COL4A2: variants seen among roughly 807,000 people sequenced by gnomAD.
COL4A2 encodes collagen type IV alpha 2 chain.
A neutral mutation model predicts 200.2 loss-of-function variants in COL4A2; 99 were observed. The ratio of observed to expected loss-of-function variants is 0.49; its 90% CI spans 0.42 to 0.58. The LOEUF (loss-of-function observed/expected upper bound fraction) is 0.58, where lower values mean the gene tolerates loss of function less well. Among genes scored for constraint, COL4A2 ranks in the 20% least tolerant of loss-of-function variants. COL4A2 has a pLI of 0.00. For missense variants in COL4A2, 1,950 were observed against 2,314.1 expected, an observed-to-expected ratio of 0.84 and a Z score of 3.23; for synonymous variants, 897 against 900.6, an observed-to-expected ratio of 1.00 and a Z score of 0.07.
intron 37 of COL4A2, among the ~76,000 whole-genome samples, chr13:110,491,823 C>T (rs941068912): frequency 3.9e-5 from 6 of 152,160 alleles, no homozygotes; most frequent in Admixed American, 1.3e-4. Context: ...GATAATAGGG[C>T]GACAATTAAA....
chr13:110,362,610 C>G (rs1393471248), intron 4 of COL4A2, among the ~76,000 whole-genome samples: 1 of 152,152 alleles, frequency 6.6e-6, no homozygotes, highest in African/African-American at 2.4e-5. Context: ...TGTGAGCCAC[C>G]ACACCCAGCC....
intron 4 of COL4A2, among the ~76,000 whole-genome samples, chr13:110,405,941 A>G (rs375763881): frequency 3.3e-5 from 5 of 152,146 alleles, no homozygotes; most frequent in East Asian, 1.9e-4. Flanking sequence ...AATGAAGCGC[A>G]TTTGTGGCTG....
chr13:110,428,414 T>A (rs952556872), intron 6 of COL4A2, 53 bp from the exon 7 acceptor site: 3 of 1,061,760 alleles, frequency 2.8e-6, no homozygotes, highest in Middle Eastern at 2.0e-4. Flanking sequence ...CACAGTTACA[T>A]GACAACTAGA....
chr13:110,343,294 G>A (rs7331163), intron 3 of COL4A2, among the ~76,000 whole-genome samples: 144,215 of 152,232 alleles, frequency 0.95, 68,794 homozygotes, highest in East Asian at 1. Flanking sequence ...TCCGTACCCA[G>A]TGGGTGCTCT....
At chr13:110,330,350 C>T (rs1163514183) in intron 3 of COL4A2, among the ~76,000 whole-genome samples, 1 of 152,018 alleles carries the variant, frequency 6.6e-6, no homozygotes, top group Non-Finnish European at 1.5e-5. Context: ...TACTCGGTGG[C>T]TTCATTGTGT....
At chr13:110,451,292 A>G (rs1215694263) in intron 20 of COL4A2, among the ~76,000 whole-genome samples, 10 of 152,238 alleles carry the variant, frequency 6.6e-5, no homozygotes, top group Non-Finnish European at 1.3e-4. Context: ...CACGGGCCAC[A>G]TGCGGCCCAG....
intron 3 of COL4A2, among the ~76,000 whole-genome samples, chr13:110,337,412 G>A (rs1454261559): frequency 6.6e-6 from 1 of 152,218 alleles, no homozygotes; most frequent in East Asian, 1.9e-4. Flanking sequence ...GATGGTCCCA[G>A]CAAGCGTTCC....
intron 45 of COL4A2, among the ~76,000 whole-genome samples, chr13:110,504,972 A>G (rs894655667): frequency 6.6e-6 from 1 of 151,958 alleles, no homozygotes; most frequent in Non-Finnish European, 1.5e-5. Context: ...ACAGCTATTC[A>G]TGAAAAAAAA....
rs115157137 is a variant in COL4A2 at position 110,336,509 on chromosome 13, C to T, written c.100-20963C>T. The stretch of plus-strand genomic sequence containing the variant: ...CGCTGCCCAGGGCTGGGCTTTCTTT[C>T]TGATCCTTACGACGACCTGGCCTAG... On this transcript the variant is annotated intron_variant, in intron 3 of 47. Coordinates refer to ENST00000360467, the MANE Select transcript of COL4A2 (RefSeq NM_001846.4). Among the ~76,000 whole-genome samples, 578 of 152,302 alleles carry T rather than the reference C, an allele frequency of 3.8e-3. 3 individuals carry two copies. Among genetic ancestry groups the T allele is most frequent in the African/African-American group, 0.013 (548 of 41,558 alleles).
At chr13:110,443,778 G>T (rs1438486271) in intron 16 of COL4A2, among the ~76,000 whole-genome samples, 1 of 152,194 alleles carries the variant, frequency 6.6e-6, no homozygotes, top group East Asian at 1.9e-4. Context: ...AGCCTCCACT[G>T]GGTCCTTCCC....
At chr13:110,509,270 T>TATATATATATATACACACACACACACAC (rs1435137108) in intron 47 of COL4A2, among the ~76,000 whole-genome samples, 3 of 115,600 alleles carry the variant, frequency 2.6e-5, no homozygotes, top group African/African-American at 1.0e-4. Flanking sequence ...TATATATATA[T>TATATATATATATACACACACACACACAC]ACACACACAC....
Position 110,477,999 on chromosome 13 carries a change from G to C in COL4A2, c.2426-4G>C. ...CCCACAGCTCTTGTCTCTGATTCCTGCAGGAAGCCAAGGGATGCCTGGGAT... is the reference window on the plus strand; with the variant it reads ...CCCACAGCTCTTGTCTCTGATTCCTCCAGGAAGCCAAGGGATGCCTGGGAT... On this transcript the variant is annotated splice_region_variant and splice_polypyrimidine_tract_variant and intron_variant, in intron 29 of 47. Coordinates refer to ENST00000360467, the MANE Select transcript of COL4A2 (RefSeq NM_001846.4). 6.4e-7 allele frequency: 1 copy of C among 1,553,802 alleles called. No homozygotes were observed.
intron 4 of COL4A2, among the ~76,000 whole-genome samples, chr13:110,422,685 C>T (rs749541931): frequency 1.3e-5 from 2 of 152,154 alleles, no homozygotes; most frequent in African/African-American, 2.4e-5. Flanking sequence ...TCCCAAGATT[C>T]GGGATACATC....
intron 24 of COL4A2, among the ~76,000 whole-genome samples, chr13:110,463,895 T>C (rs1209500720): frequency 6.6e-6 from 1 of 152,166 alleles, no homozygotes; most frequent in East Asian, 1.9e-4. Flanking sequence ...AATTCTATGA[T>C]TGGGTATCTT....
rs73621084 is a variant in COL4A2 at position 110,488,626 on chromosome 13, C to T, written c.3208-819C>T. ...GAGCAAGCTCTGCAGTCTGGCTGCC[C>T]AAACTGAAATCCCGGTTCTGCCACT... On this transcript the variant is annotated intron_variant, in intron 34 of 47. Coordinates refer to ENST00000360467, the MANE Select transcript of COL4A2 (RefSeq NM_001846.4). Among the ~76,000 whole-genome samples, 1,015 of 152,326 alleles carry T rather than the reference C, an allele frequency of 6.7e-3. 14 individuals carry two copies. Among genetic ancestry groups the T allele is most frequent in the African/African-American group, 0.023 (958 of 41,576 alleles).
chr13:110,473,476 AGGT>A, intron 29 of COL4A2: 1 of 299,284 alleles, frequency 3.3e-6, no homozygotes, highest in Non-Finnish European at 6.1e-6. Flanking sequence ...GAATCTGTAC[AGGT>A]GGTATGAAGA....
At chr13:110,455,436 T>A (rs550218018) in intron 20 of COL4A2, among the ~76,000 whole-genome samples, 1 of 152,272 alleles carries the variant, frequency 6.6e-6, no homozygotes, top group South Asian at 2.1e-4. Flanking sequence ...CTCAGCTGAC[T>A]ACCCCCAAAA....
At position 110,492,161 on chromosome 13, in the gene COL4A2, A is replaced by G. The variant is rs2139537309; in HGVS notation, c.3546A>G (p.Gly1182=). ...PGGKGDDGWP[G]APGLPGFPGL... ...GCAAAGGAGATGATGGCTGGCCGGG[A>G]GCTCCGGGCTTACCAGGTAAGGTCA... The change falls in exon 38 of 48, where the codon GGA becomes GGG. Residue 1182 remains glycine, a synonymous_variant. Coordinates refer to ENST00000360467, the MANE Select transcript of COL4A2 (RefSeq NM_001846.4). 1.3e-6 allele frequency: 2 copies of G among 1,552,538 alleles called. No homozygotes were observed. The highest frequency in any genetic ancestry group is 4.9e-5 in the East Asian group (2 of 41,044).
rs562666575 is a variant in COL4A2, at chr13:110,434,415, T to A, written c.699T>A (p.Leu233=). ...TATCTTTTCAGGGCAACAGAGGACT[T>A]GGTTTCTACGGAGTTAAGGGTGAAA... The part of the protein sequence containing the change: ...GPKGQQGNRG[L]GFYGVKGEKG... The change falls in exon 12 of 48, where the codon CTT becomes CTA. Residue 233 remains leucine (L), a synonymous_variant. Coordinates refer to ENST00000360467, the MANE Select transcript of COL4A2 (RefSeq NM_001846.4). The A allele has an allele frequency of 6.2e-7, 1 of 1,614,012 alleles. No individual in the cohort carries two copies. Among genetic ancestry groups the A allele is most frequent in the East Asian group, 2.2e-5 (1 of 44,890 alleles).
Sources: allele counts gnomAD v4.1 joint callset (sites outside exome capture counted in the v4.1 genomes callset), GRCh38; gene constraint gnomAD v4.1.1; transcripts MANE v1.5; gene names NCBI Gene and HGNC (gene_info 2026-07-23, HGNC 2026-07-21).